DCT: variants seen among roughly 807,000 people sequenced by gnomAD.
DCT encodes the protein L-dopachrome tautomerase.
In DCT, 47 loss-of-function variants were observed where a neutral mutation model predicts 53.0. That is an observed-to-expected ratio of 0.89 (90% CI 0.70 to 1.13). The LOEUF is 1.13. Ranked by LOEUF, DCT falls within the 50% of genes most tolerant of loss-of-function variation. The probability of loss-of-function intolerance (pLI) is 0.00; values close to 1 mark genes in which losing one functional copy is unlikely to be tolerated. For missense variants in DCT, 669 were observed against 637.4 expected, an observed-to-expected ratio of 1.05 and a Z score of -0.53; for synonymous variants, 244 against 237.0, an observed-to-expected ratio of 1.03 and a Z score of -0.27.
At chr13:94,456,267 T>C (rs560412027) in intron 6 of DCT, among the ~76,000 whole-genome samples, 1 of 152,302 alleles carries the variant, frequency 6.6e-6, no homozygotes, top group East Asian at 1.9e-4. Context: ...TAATTCCGTC[T>C]CAGGATTTCT....
the DCT span, among the ~76,000 whole-genome samples, chr13:94,544,199 G>A: frequency 6.6e-6 from 1 of 151,582 alleles, no homozygotes; most frequent in Non-Finnish European, 1.5e-5. Context: ...TTATTTATTT[G>A]TATTCAACTA....
chr13:94,530,297 C>A, the DCT span, among the ~76,000 whole-genome samples: 1 of 152,200 alleles, frequency 6.6e-6, no homozygotes, highest in Non-Finnish European at 1.5e-5. Flanking sequence ...ATGAGGCTAG[C>A]GTCATCCTGA....
chr13:94,471,284 G>A (rs375159153), intron 1 of DCT, among the ~76,000 whole-genome samples: 1 of 151,974 alleles, frequency 6.6e-6, no homozygotes, highest in Admixed American at 6.6e-5. Flanking sequence ...AATTGTAATC[G>A]GTTGAGTTTT....
At chr13:94,515,880 T>C in the DCT span, among the ~76,000 whole-genome samples, 1 of 152,052 alleles carries the variant, frequency 6.6e-6, no homozygotes, top group South Asian at 2.1e-4. Context: ...CACATCCAGA[T>C]AACAAGGAAG....
intron 1 of DCT, among the ~76,000 whole-genome samples, chr13:94,476,568 T>A (rs548156533): frequency 5.4e-4 from 81 of 150,172 alleles, no homozygotes; most frequent in African/African-American, 1.9e-3. Context: ...CTCCACCTCC[T>A]GGGTTCAAGT....
At chr13:94,490,200 G>A in the DCT span, among the ~76,000 whole-genome samples, 2 of 152,026 alleles carry the variant, frequency 1.3e-5, no homozygotes, top group African/African-American at 4.8e-5. Flanking sequence ...CTTTATCATT[G>A]CTGTCAAAAA....
At chr13:94,537,227 C>A in the DCT span, among the ~76,000 whole-genome samples, 1 of 152,196 alleles carries the variant, frequency 6.6e-6, no homozygotes, top group Non-Finnish European at 1.5e-5. Context: ...TCTCTGAACA[C>A]AAAATCTTTA....
At chr13:94,457,117 G>A (rs1360372359) in intron 6 of DCT, among the ~76,000 whole-genome samples, 1 of 152,310 alleles carries the variant, frequency 6.6e-6, no homozygotes, top group Middle Eastern at 3.4e-3. Flanking sequence ...ATGACAGAGA[G>A]AGACTCCGTC....
At chr13:94,462,220 T>C in intron 4 of DCT, 31 bp from the exon 5 acceptor site, 3 of 1,569,714 alleles carry the variant, frequency 1.9e-6, no homozygotes, top group Non-Finnish European at 2.6e-6. Flanking sequence ...TAAAATAATA[T>C]ATGTTGGCTG....
intron 4 of DCT, among the ~76,000 whole-genome samples, chr13:94,464,394 C>T (rs1391615709): frequency 6.6e-6 from 1 of 152,188 alleles, no homozygotes; most frequent in African/African-American, 2.4e-5. Context: ...AATCTCAGCA[C>T]TTTGGGAGGC....
chr13:94,442,031 G>C (rs1882362582), intron 7 of DCT, among the ~76,000 whole-genome samples: 1 of 151,672 alleles, frequency 6.6e-6, no homozygotes. Flanking sequence ...TTTTTTGATA[G>C]CAGTCATCCC....
the DCT span, among the ~76,000 whole-genome samples, chr13:94,516,179 T>A: frequency 0.02 from 3,045 of 151,854 alleles, 102 homozygotes; most frequent in African/African-American, 0.069. Context: ...AGGTGGCATA[T>A]GGATTGAGTG....
rs1884134526 is a variant in DCT at position 94,465,682 on chromosome 13, G to A, written c.814C>T (p.Leu272=). 1 of 1,613,562 alleles carries A rather than the reference G, an allele frequency of 6.2e-7. No homozygotes were observed. Among genetic ancestry groups the A allele is most frequent in the Non-Finnish European group, 8.5e-7 (1 of 1,179,852 alleles). ...FGAARPDDPT[L]ISRNSRFSSW... ...GAGAATCTTGAGTTCCGACTAATCAGAGTCGGATCGTCTGGTCTCGCTGCC... is the reference window on the plus strand; with the variant it reads ...GAGAATCTTGAGTTCCGACTAATCAAAGTCGGATCGTCTGGTCTCGCTGCC... The change falls in exon 4 of 8, where the codon CTG becomes TTG. Residue 272 remains leucine (L), a synonymous_variant. Transcript: ENST00000377028.
intron 1 of DCT, among the ~76,000 whole-genome samples, chr13:94,472,562 ATATAT>A (rs1884797796): frequency 1.0e-4 from 2 of 19,086 alleles, no homozygotes; most frequent in East Asian, 2.8e-3. Context: ...ATATATATAT[ATATAT>A]ATTTTTTTTT....
chr13:94,473,632 T>G (rs1295681128), intron 1 of DCT, among the ~76,000 whole-genome samples: 1 of 152,202 alleles, frequency 6.6e-6, no homozygotes, highest in Non-Finnish European at 1.5e-5. Flanking sequence ...AATGACGAAA[T>G]GATTAATCCT....
the DCT span, among the ~76,000 whole-genome samples, chr13:94,534,580 G>A: frequency 6.6e-6 from 1 of 152,244 alleles, no homozygotes; most frequent in Admixed American, 6.5e-5. Flanking sequence ...AGCCTGCTGG[G>A]ATACTAGAGA....
the DCT span, among the ~76,000 whole-genome samples, chr13:94,532,873 C>T: frequency 6.6e-6 from 1 of 152,208 alleles, no homozygotes; most frequent in Non-Finnish European, 1.5e-5. Context: ...TGTGACCTTT[C>T]TCCCCCATTC....
chr13:94,453,740 G>A (rs1203192760), intron 6 of DCT, among the ~76,000 whole-genome samples: 6 of 152,134 alleles, frequency 3.9e-5, no homozygotes, highest in Non-Finnish European at 7.4e-5. Context: ...ATAAATGAGA[G>A]TTTTCCTGCA....
rs1882487863 is a variant in DCT at position 94,443,463 on chromosome 13, C to T, written c.1354G>A (p.Gly452Ser). 6.2e-7 allele frequency: 1 copy of T among 1,613,754 alleles called. No individual in the cohort carries two copies. Among genetic ancestry groups the T allele is most frequent in the African/African-American group, 1.3e-5 (1 of 74,882 alleles). Residue 452 changes from glycine to serine, a missense_variant, in exon 7 of 8, where the codon GGC becomes AGC. Physicochemically the swap from Gly to Ser is moderately conservative, Grantham distance 56. Transcript: ENST00000377028. ...EELFLTSDQLGYSYAIDLPVS... is the reference protein window; with the variant it reads ...EELFLTSDQLSYSYAIDLPVS... Reference sequence around the variant, plus strand: ...GGCAGATCGATGGCATAGCTGTAGCCAAGTTGGTCTGAGGTTAAAAAGAGT... The same window carrying T: ...GGCAGATCGATGGCATAGCTGTAGCTAAGTTGGTCTGAGGTTAAAAAGAGT...
Sources: allele counts gnomAD v4.1 joint callset (sites outside exome capture counted in the v4.1 genomes callset), GRCh38; gene constraint gnomAD v4.1.1; transcripts MANE v1.5; gene names NCBI Gene and HGNC (gene_info 2026-07-23, HGNC 2026-07-21).